Variants in ZNF462 observed in about 807,000 individuals in gnomAD.
The protein encoded by ZNF462 is zinc finger PBX1-interacting protein.
A neutral mutation model predicts 201.9 loss-of-function variants in ZNF462; 10 were observed. That is an observed-to-expected ratio of 0.05 (90% CI 0.03 to 0.08). The LOEUF is 0.08. Among genes scored for constraint, ZNF462 ranks in the 10% least tolerant of loss-of-function variants. ZNF462 has a pLI of 1.00. For missense variants in ZNF462, 2,523 were observed against 3,168.3 expected (o/e 0.80, Z 4.89); for synonymous variants, 1,227 against 1,193.3 (o/e 1.03, Z -0.58).
rs146494827 is a variant in ZNF462 at position 106,924,861 on chromosome 9, G to A, written c.949G>A (p.Val317Ile). The change falls in exon 3 of 13, where the codon GTC (valine) becomes ATC (isoleucine). Residue 317 changes from valine (V) to isoleucine (I), a missense_variant. By Grantham distance (29) the Val-to-Ile change is conservative. Around this residue, in one of 15 missense-constraint regions of ZNF462, gnomAD observed 480 missense variants for 544.4 expected, o/e 0.88. Coordinates refer to ENST00000277225, the MANE Select transcript of ZNF462 (RefSeq NM_021224.6). The surrounding 1 kb of genome is among the most constrained non-coding windows in gnomAD (Gnocchi z 6.2). ...AASREIPNTT[V>I]SNFRGSMGNS... ...AAGCCGGGAGATACCCAATACTACC[G>A]TCTCCAACTTCAGGGGCTCCATGGG... 9.2e-5 allele frequency: 148 copies of A among 1,614,150 alleles called. No homozygotes were observed. The African/African-American group carries it at 1.5e-3, about 17-fold the overall frequency.
chr9:106,860,263 C>A (rs1039059504), upstream of ZNF462, among the ~76,000 whole-genome samples: 29 of 152,196 alleles, frequency 1.9e-4, no homozygotes, highest in African/African-American at 6.8e-4. The surrounding 1 kb of genome is among the most constrained non-coding windows in gnomAD (Gnocchi z 7.1). Flanking sequence ...AGGTTAATTT[C>A]TTGAGTTCAC....
chr9:106,873,309 C>T (rs1226298358), intron 1 of ZNF462, among the ~76,000 whole-genome samples: 3 of 152,000 alleles, frequency 2.0e-5, no homozygotes. Context: ...GGAAAAAAAG[C>T]AAGACACCAT....
intron 1 of ZNF462, among the ~76,000 whole-genome samples, chr9:106,913,000 G>A (rs1289807983): frequency 6.6e-6 from 1 of 152,208 alleles, no homozygotes; most frequent in Admixed American, 6.5e-5. Flanking sequence ...TTTGTGGAGG[G>A]AAGGCAACCA....
chr9:106,894,499 G>C (rs1293717161), intron 1 of ZNF462, among the ~76,000 whole-genome samples: 1 of 152,174 alleles, frequency 6.6e-6, no homozygotes, highest in Non-Finnish European at 1.5e-5. Flanking sequence ...GGTATTACAG[G>C]GTTGTAAGCA....
intron 1 of ZNF462, among the ~76,000 whole-genome samples, chr9:106,908,051 A>G (rs1258742274): frequency 6.6e-6 from 1 of 152,052 alleles, no homozygotes; most frequent in Non-Finnish European, 1.5e-5. Context: ...CACTGTAAGT[A>G]GAAATTGTGT....
Position 106,929,167 on chromosome 9 carries a change from A to G in ZNF462, c.5255A>G (p.Asp1752Gly), listed in dbSNP as rs1392246324. ...ATCATCCCATCCCCGCCCAAGGACG[A>G]CTCCCCTCAGCTGAGCGAGGAACTC... ...KVIIPSPPKD[D>G]SPQLSEELRR... The change falls in exon 3 of 13, where the codon GAC becomes GGC. Residue 1752 changes from aspartate (D) to glycine (G), a missense_variant. Asp to Gly is a moderately conservative substitution (Grantham distance 94, BLOSUM62 -1). This residue lies in a region of ZNF462 where 207 missense variants were observed against 231.6 expected (regional missense o/e 0.89). Coordinates refer to ENST00000277225, the MANE Select transcript of ZNF462 (RefSeq NM_021224.6). This position sits in a 1 kb window ranked among gnomAD's most constrained non-coding sequence, Gnocchi z 8.7. The G allele has an allele frequency of 3.7e-6, 6 of 1,613,888 alleles. No individual in the cohort carries two copies. The Admixed American group carries it at 5.0e-5, about 13-fold the overall frequency.
In ZNF462 at chr9:106,865,848, CCA is replaced by C. The variant is rs1827307234; in HGVS notation, c.-31+2500_-31+2501del. Among the ~76,000 whole-genome samples the C allele has an allele frequency of 6.6e-6, 1 of 152,154 alleles. No individual in the cohort carries two copies. Among genetic ancestry groups the C allele is most frequent in the African/African-American group, 2.4e-5 (1 of 41,444 alleles). On this transcript the variant is annotated intron_variant, in intron 1 of 12. Coordinates refer to ENST00000277225, the MANE Select transcript of ZNF462 (RefSeq NM_021224.6). The surrounding 1 kb of genome is among the most constrained non-coding windows in gnomAD (Gnocchi z 4.1). ...AAAAAGGACCCAGTGCTACCCTAGT[CCA>C]CACACATTGATGGGAGCTCTTCACA...
rs745360797 is a variant in ZNF462, at chr9:106,924,724, A to G, written c.812A>G (p.Lys271Arg). The change falls in exon 3 of 13, where the codon AAG (lysine) becomes AGG (arginine). Residue 271 changes from lysine (K) to arginine (R), a missense_variant. Around this residue, in one of 15 missense-constraint regions of ZNF462, gnomAD observed 480 missense variants for 544.4 expected, o/e 0.88. Transcript: ENST00000277225. This position sits in a 1 kb window ranked among gnomAD's most constrained non-coding sequence, Gnocchi z 6.2. ...ATGAAGAAACACCGCAGTATGGTCA[A>G]GATCCTTTCCAGTCTCAGACAGCAA... is the stretch of plus-strand genomic sequence containing the variant. ...HMMKKHRSMV[K>R]ILSSLRQQQE... 6.2e-7 allele frequency: 1 copy of G among 1,614,148 alleles called. No homozygotes were observed. Among genetic ancestry groups the G allele is most frequent in the Non-Finnish European group, 8.5e-7 (1 of 1,180,028 alleles).
chr9:106,893,430 A>T (rs1423742031), intron 1 of ZNF462, among the ~76,000 whole-genome samples: 9 of 152,230 alleles, frequency 5.9e-5, no homozygotes, highest in Non-Finnish European at 1.3e-4. Context: ...CCTTGGAGTC[A>T]GTTGCTGAGA....
At chr9:106,979,592 A>C (rs1231993328) in intron 9 of ZNF462, 2 of 151,420 alleles carry the variant, frequency 1.3e-5, no homozygotes, top group African/African-American at 2.5e-5. Context: ...GCATTGTTTT[A>C]AGCTGTAGGG....
At chr9:106,904,629 T>A (rs1439013295) in intron 1 of ZNF462, among the ~76,000 whole-genome samples, 1 of 152,218 alleles carries the variant, frequency 6.6e-6, no homozygotes, top group Non-Finnish European at 1.5e-5. Flanking sequence ...TCATATTTTC[T>A]TATTCTTTTT....
rs1830608370 is a variant in ZNF462 at position 106,935,828 on chromosome 9, A to G, written c.6235+207A>G. Among the ~76,000 whole-genome samples the G allele has an allele frequency of 6.6e-6, 1 of 152,238 alleles. No individual in the cohort carries two copies. Reference sequence around the variant, plus strand: ...CAAAATCACCTAAATCCAAAATAATACAAAGCCTATGTCACCCATGTTATG... The same window carrying G: ...CAAAATCACCTAAATCCAAAATAATGCAAAGCCTATGTCACCCATGTTATG... On this transcript the variant is annotated intron_variant, in intron 6 of 12. Coordinates refer to ENST00000277225, the MANE Select transcript of ZNF462 (RefSeq NM_021224.6). The surrounding 1 kb of genome is among the most constrained non-coding windows in gnomAD (Gnocchi z 4.1).
At chr9:106,979,671 T>TA (rs994331167) in intron 9 of ZNF462, 1 of 144,028 alleles carries the variant, frequency 6.9e-6, no homozygotes, top group Non-Finnish European at 1.5e-5. Flanking sequence ...GAAGAGAGAC[T>TA]AAAAAACAGG....
intron 7 of ZNF462, among the ~76,000 whole-genome samples, chr9:106,940,872 G>C (rs138215127): frequency 6.6e-6 from 1 of 152,150 alleles, no homozygotes; most frequent in African/African-American, 2.4e-5. Flanking sequence ...ACCAGGAAAG[G>C]TTGGTATATT....
chr9:106,924,728 C>A lies in ZNF462; in HGVS notation c.816C>A (p.Ile272=). Residue 272 remains isoleucine, a synonymous_variant, in exon 3 of 13, where the codon ATC becomes ATA. Coordinates refer to ENST00000277225, the MANE Select transcript of ZNF462 (RefSeq NM_021224.6). This position sits in a 1 kb window ranked among gnomAD's most constrained non-coding sequence, Gnocchi z 6.2. ...AGAAACACCGCAGTATGGTCAAGATCCTTTCCAGTCTCAGACAGCAACAAG... is the reference window on the plus strand; with the variant it reads ...AGAAACACCGCAGTATGGTCAAGATACTTTCCAGTCTCAGACAGCAACAAG... ...MMKKHRSMVK[I]LSSLRQQQEG... is the part of the protein sequence containing the mutation. 6.2e-7 allele frequency: 1 copy of A among 1,614,094 alleles called. No homozygotes were observed. The highest frequency in any genetic ancestry group is 8.5e-7 in the Non-Finnish European group (1 of 1,180,008).
In ZNF462 at chr9:106,970,758, G is replaced by A. The variant is rs971440943; in HGVS notation, c.6428-1247G>A. 7.2e-5 allele frequency among the ~76,000 whole-genome samples: 11 copies of A among 152,176 alleles called. No individual in the cohort carries two copies. Among genetic ancestry groups the A allele is most frequent in the African/African-American group, 2.2e-4 (9 of 41,458 alleles). On this transcript the variant is annotated intron_variant, in intron 7 of 12. Transcript: ENST00000277225. The surrounding 1 kb of genome is among the most constrained non-coding windows in gnomAD (Gnocchi z 4.2). ...CTAACCTCCACATTGCAAGCAGCAT[G>A]TTGGGAAAAGGTTCAAGACCTTTTA...
chr9:106,915,715 C>G (rs1829744832), intron 1 of ZNF462, among the ~76,000 whole-genome samples: 1 of 152,136 alleles, frequency 6.6e-6, no homozygotes, highest in Admixed American at 6.6e-5. Flanking sequence ...ATCACAGTCC[C>G]CTTGAGTAGG....
chr9:106,990,598 A>G lies in ZNF462; in HGVS notation c.7056+6189A>G, dbSNP rs534071603. Among the ~76,000 whole-genome samples the G allele has an allele frequency of 9.2e-5, 14 of 152,002 alleles. No individual in the cohort carries two copies. The South Asian group carries it at 2.9e-3, about 32-fold the overall frequency. On this transcript the variant is annotated intron_variant, in intron 10 of 12. Transcript: ENST00000277225. ...CAGTCTTTAACGTAATATTTTCACT[A>G]TGCCATATTATGTTCTTTAATTTTT... is the stretch of plus-strand genomic sequence containing the variant.
chr9:106,925,348 G>A lies in ZNF462; in HGVS notation c.1436G>A (p.Cys479Tyr), dbSNP rs763069743. 3 of 1,614,236 alleles carry A rather than the reference G, an allele frequency of 1.9e-6. No individual in the cohort carries two copies. Among genetic ancestry groups the A allele is most frequent in the Non-Finnish European group, 2.5e-6 (3 of 1,180,044 alleles). ...AAATGTGACGAATGTCCGTTTACTT[G>A]CAAGAGCTCGTTGAAACTTGGGGCT... ...VYKCDECPFT[C>Y]KSSLKLGAHK... Residue 479 changes from cysteine to tyrosine, a missense_variant, in exon 3 of 13, where the codon TGC becomes TAC. By Grantham distance (194) the Cys-to-Tyr change is radical. This residue lies in a region of ZNF462 where 383 missense variants were observed against 453.4 expected (regional missense o/e 0.84). Transcript: ENST00000277225. This position sits in a 1 kb window ranked among gnomAD's most constrained non-coding sequence, Gnocchi z 7.9.
Sources: allele counts gnomAD v4.1 joint callset (sites outside exome capture counted in the v4.1 genomes callset), GRCh38; gene constraint gnomAD v4.1.1; regional missense constraint gnomAD v4.1.1; non-coding constraint Gnocchi (gnomAD v3.1); transcripts MANE v1.5; gene names NCBI Gene and HGNC (gene_info 2026-07-23, HGNC 2026-07-21).